EPS8: variants seen among roughly 807,000 people sequenced by gnomAD.
The protein encoded by EPS8 is epidermal growth factor receptor kinase substrate 8.
A neutral mutation model predicts 103.8 loss-of-function variants in EPS8; 42 were observed. The ratio of observed to expected loss-of-function variants is 0.40; its 90% CI spans 0.32 to 0.52. EPS8 has a LOEUF of 0.52. Among genes scored for constraint, EPS8 ranks in the 20% least tolerant of loss-of-function variants. The pLI is 0.40. For missense variants in EPS8, 969 were observed against 1,005.1 expected, an observed-to-expected ratio of 0.96 and a Z score of 0.49; for synonymous variants, 344 against 344.6, an observed-to-expected ratio of 1.00 and a Z score of 0.02.
At chr12:15,632,850 T>C (rs1945071726) in intron 17 of EPS8, among the ~76,000 whole-genome samples, 1 of 152,172 alleles carries the variant, frequency 6.6e-6, no homozygotes, top group Non-Finnish European at 1.5e-5. Flanking sequence ...GGCAAATGAC[T>C]AACACCTGTG....
rs1242097568 is a variant in EPS8, at chr12:15,767,269, G to A, written c.-22+21892C>T. ...TAAATTAAATATGGACAGAACAACA[G>A]AGTTCATCCCTACCATTTTCACAAA... On this transcript the variant is annotated intron_variant, in intron 1 of 20. Transcript: ENST00000281172. The surrounding 1 kb of genome is among the most constrained non-coding windows in gnomAD (Gnocchi z 5.5). Among the ~76,000 whole-genome samples, 3 of 152,148 alleles carry A rather than the reference G, an allele frequency of 2.0e-5. No homozygotes were observed. The highest frequency in any genetic ancestry group is 6.5e-5 in the Admixed American group (1 of 15,270).
intron 1 of EPS8, among the ~76,000 whole-genome samples, chr12:15,744,236 T>A (rs767403234): frequency 6.6e-6 from 1 of 152,180 alleles, no homozygotes; most frequent in Non-Finnish European, 1.5e-5. Flanking sequence ...AACTTTCTTC[T>A]AGAGTGGAGC....
At chr12:15,699,361 C>T (rs1047899880) in intron 1 of EPS8, among the ~76,000 whole-genome samples, 4 of 152,164 alleles carry the variant, frequency 2.6e-5, no homozygotes, top group African/African-American at 9.7e-5. Flanking sequence ...AAGTCATTAT[C>T]CTATCTCAGC....
Position 15,682,176 on chromosome 12 carries a change from CTG to C in EPS8, c.59+715_59+716del, listed in dbSNP as rs200825510. ...ACTGACTCAAGAAATAGCACAGTGT[CTG>C]TGGAAAGATGCAGTTAATGTAACAT... On this transcript the variant is annotated intron_variant, in intron 2 of 20. Coordinates refer to ENST00000281172, the MANE Select transcript of EPS8 (RefSeq NM_004447.6). 9.5e-3 allele frequency among the ~76,000 whole-genome samples: 1,449 copies of C among 152,268 alleles called. 32 individuals carry two copies. The highest frequency in any genetic ancestry group is 0.033 in the African/African-American group (1,351 of 41,534).
At chr12:15,705,689 G>A (rs1462143784) in intron 1 of EPS8, among the ~76,000 whole-genome samples, 3 of 151,412 alleles carry the variant, frequency 2.0e-5, no homozygotes, top group Admixed American at 6.5e-5. Flanking sequence ...CTTTTAAAAA[G>A]TTATTGACAT....
At position 15,631,631 on chromosome 12, in the gene EPS8, C is replaced by G. The variant is rs777460399; in HGVS notation, c.1855G>C (p.Asp619His). ...GGAGGTGATGGAGCAGGGGGAGTAT[C>G]AGCTGGTCTTGGGCCATACTCCATC... ...QRMEYGPRPADTPPAPSPPPT... is the reference protein window; with the variant it reads ...QRMEYGPRPAHTPPAPSPPPT... The change falls in exon 18 of 21, where the codon GAT becomes CAT. Residue 619 changes from aspartate (D) to histidine (H), a missense_variant. Coordinates refer to ENST00000281172, the MANE Select transcript of EPS8 (RefSeq NM_004447.6). 1.6e-4 allele frequency: 263 copies of G among 1,613,620 alleles called. 1 individual carries two copies. Among genetic ancestry groups the G allele is most frequent in the Non-Finnish European group, 2.2e-4 (254 of 1,179,844 alleles).
At chr12:15,755,499 T>C (rs556385834) in intron 1 of EPS8, among the ~76,000 whole-genome samples, 1 of 152,252 alleles carries the variant, frequency 6.6e-6, no homozygotes, top group African/African-American at 2.4e-5. Context: ...AATAAAGATG[T>C]TGTCACTGGG....
chr12:15,639,828 T>C (rs1374632493), intron 17 of EPS8, among the ~76,000 whole-genome samples: 1 of 152,224 alleles, frequency 6.6e-6, no homozygotes, highest in Non-Finnish European at 1.5e-5. Flanking sequence ...CAGCTTCTAC[T>C]CAAATTCATG....
At chr12:15,658,730 G>T in intron 10 of EPS8, 145 bp from the exon 11 acceptor site, 1 of 627,698 alleles carries the variant, frequency 1.6e-6, no homozygotes, top group South Asian at 2.1e-5. Context: ...CTCATAGTCT[G>T]ACTGTAACAA....
Position 15,772,253 on chromosome 12 carries a change from A to C in EPS8, c.-22+16908T>G, listed in dbSNP as rs1483754298. 3.9e-5 allele frequency among the ~76,000 whole-genome samples: 6 copies of C among 152,084 alleles called. No homozygotes were observed. Among genetic ancestry groups the C allele is most frequent in the Non-Finnish European group, 5.9e-5 (4 of 68,032 alleles). On this transcript the variant is annotated intron_variant, in intron 1 of 20. Coordinates refer to ENST00000281172, the MANE Select transcript of EPS8 (RefSeq NM_004447.6). This position sits in a 1 kb window ranked among gnomAD's most constrained non-coding sequence, Gnocchi z 5.0. ...AAGTCACTCCAAGTAGAGAGACAGA[A>C]AGAGATGAGGGGGCCAGAGTAAAAG...
intron 3 of EPS8, among the ~76,000 whole-genome samples, chr12:15,673,461 A>C (rs932633179): frequency 4.6e-5 from 7 of 152,170 alleles, no homozygotes; most frequent in Non-Finnish European, 1.0e-4. Context: ...ATTCACAAGA[A>C]CTGGTATAAA....
At chr12:15,671,745 T>C (rs1185958816) in intron 3 of EPS8, 1 of 152,180 alleles carries the variant, frequency 6.6e-6, no homozygotes, top group Non-Finnish European at 1.5e-5. Context: ...GTGCCATCTC[T>C]GCACAGGGGT....
In EPS8 at chr12:15,783,740, A is replaced by C. The variant is rs11837004; in HGVS notation, c.-22+5421T>G. 8.1e-3 allele frequency among the ~76,000 whole-genome samples: 1,234 copies of C among 151,414 alleles called. 15 individuals carry two copies. Among genetic ancestry groups the C allele is most frequent in the African/African-American group, 0.028 (1,139 of 41,340 alleles). ...TAAAAAAAAAAAAAAAAAAAAGAGG[A>C]AAATGAATTATGTACAATGTCTAGA... is the stretch of plus-strand genomic sequence containing the variant. On this transcript the variant is annotated intron_variant, in intron 1 of 20. Coordinates refer to ENST00000281172, the MANE Select transcript of EPS8 (RefSeq NM_004447.6).
intron 1 of EPS8, among the ~76,000 whole-genome samples, chr12:15,755,065 T>C (rs1205537980): frequency 6.6e-6 from 1 of 152,158 alleles, no homozygotes; most frequent in East Asian, 1.9e-4. Flanking sequence ...TTGATCCTAG[T>C]GGTTAGAGAT....
chr12:15,642,739 C>T (rs1303292704), intron 15 of EPS8, among the ~76,000 whole-genome samples: 1 of 152,166 alleles, frequency 6.6e-6, no homozygotes, highest in Admixed American at 6.5e-5. Context: ...GTTAGGTCAT[C>T]CTACCCCTGT....
At chr12:15,765,020 C>T (rs1947078847) in intron 1 of EPS8, among the ~76,000 whole-genome samples, 1 of 152,120 alleles carries the variant, frequency 6.6e-6, no homozygotes, top group South Asian at 2.1e-4. Context: ...TTAATGATAT[C>T]TATCAGGTTA....
At chr12:15,699,773 T>A (rs1347776959) in intron 1 of EPS8, among the ~76,000 whole-genome samples, 1 of 152,192 alleles carries the variant, frequency 6.6e-6, no homozygotes, top group East Asian at 1.9e-4. Flanking sequence ...CAACTTTAAG[T>A]GTCTATTCTT....
At chr12:15,705,466 C>T (rs1371498313) in intron 1 of EPS8, among the ~76,000 whole-genome samples, 1 of 152,024 alleles carries the variant, frequency 6.6e-6, no homozygotes, top group Non-Finnish European at 1.5e-5. Flanking sequence ...ATAACACCCA[C>T]TAGTACTCCA....
intron 17 of EPS8, among the ~76,000 whole-genome samples, chr12:15,632,296 T>C (rs916776288): frequency 2.0e-4 from 31 of 152,128 alleles, no homozygotes; most frequent in Non-Finnish European, 5.9e-5. Flanking sequence ...TACAAACGAA[T>C]ACTAGAAAGG....
Sources: allele counts gnomAD v4.1 joint callset (sites outside exome capture counted in the v4.1 genomes callset), GRCh38; gene constraint gnomAD v4.1.1; non-coding constraint Gnocchi (gnomAD v3.1); transcripts MANE v1.5; gene names NCBI Gene and HGNC (gene_info 2026-07-23, HGNC 2026-07-21).